Variants in CISD1 observed in about 807,000 individuals in gnomAD.
CISD1 encodes the protein CDGSH iron sulfur domain 1, also known as CDGSH iron-sulfur domain-containing protein 1.
Under a neutral mutation model 12.0 loss-of-function variants are expected in CISD1, and 8 were observed. The ratio of observed to expected loss-of-function variants is 0.67; its 90% CI spans 0.39 to 1.20. The LOEUF is 1.20. Ranked by LOEUF, CISD1 falls within the 50% of genes most tolerant of loss-of-function variation. CISD1 has a pLI of 0.01. For missense variants in CISD1, 107 were observed against 132.7 expected (o/e 0.81, Z 0.95); for synonymous variants, 38 against 42.2 (o/e 0.90, Z 0.39).
intron 2 of CISD1, among the ~76,000 whole-genome samples, chr10:58,279,090 A>G (rs1867571): frequency 0.34 from 51,518 of 152,092 alleles, 10,971 homozygotes; most frequent in African/African-American, 0.61. Context: ...TGATGGTGAT[A>G]CAAGATAACC....
At chr10:58,271,438 C>T (rs964473308) in intron 1 of CISD1, among the ~76,000 whole-genome samples, 1 of 152,198 alleles carries the variant, frequency 6.6e-6, no homozygotes, top group African/African-American at 2.4e-5. Context: ...CATTTTCCTC[C>T]TCAATATAGT....
intron 1 of CISD1, among the ~76,000 whole-genome samples, chr10:58,272,424 T>A (rs1160383655): frequency 6.6e-6 from 1 of 152,198 alleles, no homozygotes; most frequent in Non-Finnish European, 1.5e-5. Flanking sequence ...TCATAAATTC[T>A]TATTCTCTTT....
At chr10:58,274,051 T>C (rs1223416045) in intron 1 of CISD1, among the ~76,000 whole-genome samples, 1 of 152,108 alleles carries the variant, frequency 6.6e-6, no homozygotes, top group Non-Finnish European at 1.5e-5. Context: ...GGAGAATTGC[T>C]TGAACCCAGG....
At chr10:58,283,794 A>G (rs1839398563) in intron 2 of CISD1, among the ~76,000 whole-genome samples, 1 of 152,110 alleles carries the variant, frequency 6.6e-6, no homozygotes, top group Admixed American at 6.6e-5. Context: ...GATATTTGGG[A>G]TTTGTAGTGT....
intron 1 of CISD1, 85 bp downstream of exon 1, chr10:58,269,389 C>T (rs1387131039): frequency 4.1e-6 from 5 of 1,230,334 alleles, no homozygotes; most frequent in South Asian, 1.3e-5. Flanking sequence ...TTTACCACTG[C>T]CCTACGCGCC....
intron 1 of CISD1, among the ~76,000 whole-genome samples, chr10:58,270,740 G>A (rs1839237097): frequency 6.6e-6 from 1 of 152,146 alleles, no homozygotes; most frequent in Non-Finnish European, 1.5e-5. Context: ...GTTTTGTTTT[G>A]TTTTTCAAGT....
intron 2 of CISD1, among the ~76,000 whole-genome samples, chr10:58,280,547 G>A (rs1839362806): frequency 6.6e-6 from 1 of 152,190 alleles, no homozygotes; most frequent in South Asian, 2.1e-4. Flanking sequence ...TGAGATGATA[G>A]TTGAATGGAA....
At chr10:58,272,499 T>A (rs1001161937) in intron 1 of CISD1, among the ~76,000 whole-genome samples, 1 of 152,196 alleles carries the variant, frequency 6.6e-6, no homozygotes, top group African/African-American at 2.4e-5. Context: ...TAGGAAAATA[T>A]TGTTTTGGTT....
chr10:58,282,574 A>G (rs1039350591), intron 2 of CISD1, among the ~76,000 whole-genome samples: 2 of 152,238 alleles, frequency 1.3e-5, no homozygotes, highest in African/African-American at 4.8e-5. Flanking sequence ...TTCTATCAGC[A>G]GTTGGTTGCA....
At chr10:58,282,680 G>C (rs2132283400) in intron 2 of CISD1, among the ~76,000 whole-genome samples, 1 of 152,346 alleles carries the variant, frequency 6.6e-6, no homozygotes, top group South Asian at 2.1e-4. Flanking sequence ...AGCCAGTATA[G>C]AGGAAATGAT....
chr10:58,273,268 G>C (rs927898095), intron 1 of CISD1: 13 of 151,824 alleles, frequency 8.6e-5, no homozygotes, highest in African/African-American at 3.1e-4. Flanking sequence ...TATTTCTTTT[G>C]ACTCAACCAA....
chr10:58,280,479 A>T (rs549102428), intron 2 of CISD1, among the ~76,000 whole-genome samples: 2 of 152,304 alleles, frequency 1.3e-5, no homozygotes, highest in Admixed American at 1.3e-4. Context: ...AAGAGATTCG[A>T]GGTAAAAGGC....
chr10:58,274,602 G>C (rs1220441480), intron 1 of CISD1, among the ~76,000 whole-genome samples: 1 of 151,886 alleles, frequency 6.6e-6, no homozygotes, highest in African/African-American at 2.4e-5. Flanking sequence ...CGAACACATG[G>C]TACTGTGACA....
At chr10:58,281,485 GT>G (rs1206209677) in intron 2 of CISD1, among the ~76,000 whole-genome samples, 2 of 152,102 alleles carry the variant, frequency 1.3e-5, no homozygotes, top group African/African-American at 2.4e-5. Flanking sequence ...TCAATTAACA[GT>G]TTGCTTTGAA....
rs748910021 is a variant in CISD1 at position 58,269,324 on chromosome 10, C to T, written c.31+20C>T. The T allele has an allele frequency of 4.4e-6, 7 of 1,604,646 alleles. No individual in the cohort carries two copies. The highest frequency in any genetic ancestry group is 5.9e-6 in the Non-Finnish European group (7 of 1,178,142). ...TACGAGGTGAAGTGGGGCCTGGGAG[C>T]GGGTGAGGCTGGTGAGGCTCAGCGG... On this transcript the variant is annotated intron_variant, in intron 1 of 2. Coordinates refer to ENST00000333926, the MANE Select transcript of CISD1 (RefSeq NM_018464.5).
intron 2 of CISD1, among the ~76,000 whole-genome samples, chr10:58,285,414 T>C (rs1056207351): frequency 1.3e-5 from 2 of 152,202 alleles, no homozygotes; most frequent in African/African-American, 4.8e-5. Flanking sequence ...CTGCACGTAA[T>C]GAGGTACTTG....
chr10:58,274,466 T>TTTC (rs1460553845), intron 1 of CISD1, among the ~76,000 whole-genome samples: 1 of 146,530 alleles, frequency 6.8e-6, no homozygotes, highest in Non-Finnish European at 1.5e-5. Flanking sequence ...TTTTTTTTTT[T>TTTC]ACTTCTGGGA....
chr10:58,281,598 T>C (rs1349057934), intron 2 of CISD1, among the ~76,000 whole-genome samples: 3 of 152,256 alleles, frequency 2.0e-5, no homozygotes, highest in African/African-American at 7.2e-5. Flanking sequence ...AGTCACACAC[T>C]TAAACGCCAG....
At chr10:58,274,247 G>T (rs1839284603) in intron 1 of CISD1, among the ~76,000 whole-genome samples, 2 of 152,098 alleles carry the variant, frequency 1.3e-5, no homozygotes, top group Admixed American at 1.3e-4. Context: ...ATTGGATGTT[G>T]CTATTTTTAT....
Sources: gnomAD v4.1 joint callset for allele counts (sites outside exome capture counted in the v4.1 genomes callset) on GRCh38, gnomAD v4.1.1 for gene constraint, MANE v1.5 for transcripts, NCBI Gene and HGNC (gene_info 2026-07-23, HGNC 2026-07-21) for gene names.